ARAP2: variants seen among roughly 807,000 people sequenced by gnomAD.
The protein encoded by ARAP2 is arf-GAP with Rho-GAP domain, ANK repeat and PH domain-containing protein 2.
A neutral mutation model predicts 194.5 loss-of-function variants in ARAP2; 148 were observed. The ratio of observed to expected loss-of-function variants is 0.76; its 90% CI spans 0.67 to 0.87. The LOEUF (loss-of-function observed/expected upper bound fraction) is 0.87, where lower values mean the gene tolerates loss of function less well. ARAP2 is among the 40% of genes least tolerant of loss of function. The probability of loss-of-function intolerance (pLI) is 0.00; values close to 1 mark genes in which losing one functional copy is unlikely to be tolerated. For synonymous variants in ARAP2, 695 were observed against 683.5 expected, an observed-to-expected ratio of 1.02 and a Z score of -0.26; for missense variants, 2,128 against 1,989.7, an observed-to-expected ratio of 1.07 and a Z score of -1.32.
rs1717729903 is a variant in ARAP2 at position 36,104,073 on chromosome 4, T to A, written c.4285+3492A>T. On this transcript the variant is annotated intron_variant, in intron 27 of 32. Coordinates refer to ENST00000303965, the MANE Select transcript of ARAP2 (RefSeq NM_015230.4). ...AGGGACAGAGTAAAATTTGTGGCAA[T>A]TAGGTATCTAATGTGGGGGTGTAAG... Among the ~76,000 whole-genome samples the A allele has an allele frequency of 2.6e-5, 4 of 151,988 alleles. No individual in the cohort carries two copies. The South Asian group carries it at 8.3e-4, about 31-fold the overall frequency.
intron 32 of ARAP2, among the ~76,000 whole-genome samples, chr4:36,069,254 T>A (rs1157584846): frequency 6.6e-6 from 1 of 152,164 alleles, no homozygotes; most frequent in Non-Finnish European, 1.5e-5. Context: ...TACAAATAAT[T>A]TTGAAATTTG....
Position 36,179,647 on chromosome 4 carries a change from A to G in ARAP2, c.1679-1642T>C, listed in dbSNP as rs542093268. On this transcript the variant is annotated intron_variant, in intron 8 of 32. Coordinates refer to ENST00000303965, the MANE Select transcript of ARAP2 (RefSeq NM_015230.4). ...AAAGGAAATAAAGCAAAACATACTGAATCACGAGTAGTAAAAGCTTTCACA... is the reference window on the plus strand; with the variant it reads ...AAAGGAAATAAAGCAAAACATACTGGATCACGAGTAGTAAAAGCTTTCACA... Among the ~76,000 whole-genome samples, 3 of 152,318 alleles carry G rather than the reference A, an allele frequency of 2.0e-5. No homozygotes were observed. The South Asian group carries it at 6.2e-4, about 32-fold the overall frequency.
At chr4:36,029,368 G>A (rs1718525180) in intron 5 of ARAP2, among the ~76,000 whole-genome samples, 1 of 151,916 alleles carries the variant, frequency 6.6e-6, no homozygotes, top group African/African-American at 2.4e-5. Flanking sequence ...ACTGTAAATT[G>A]TAATACTTTT....
At chr4:36,239,246 C>T (rs1486698703) in intron 1 of ARAP2, among the ~76,000 whole-genome samples, 1 of 150,692 alleles carries the variant, frequency 6.6e-6, no homozygotes, top group Non-Finnish European at 1.5e-5. Flanking sequence ...ACTACAGGGA[C>T]AGAGAAAGAT....
At chr4:36,210,294 G>T in intron 6 of ARAP2, 96 bp downstream of exon 6, 3 of 1,112,304 alleles carry the variant, frequency 2.7e-6, no homozygotes, top group Non-Finnish European at 3.8e-6. Flanking sequence ...GTGTGTGGCG[G>T]TGGAGTGGGG....
chr4:36,132,949 C>T lies in ARAP2; in HGVS notation c.3427+277G>A, dbSNP rs142412712. Among the ~76,000 whole-genome samples the T allele has an allele frequency of 3.3e-3, 500 of 151,726 alleles. 3 individuals are homozygous for T. Among genetic ancestry groups the T allele is most frequent in the African/African-American group, 0.012 (479 of 41,456 alleles). ...TTACTTGAATAAAACATATAATCTA[C>T]TATTTTTATGTACATATTATAATTT... is the stretch of plus-strand genomic sequence containing the variant. On this transcript the variant is annotated intron_variant, in intron 20 of 32. Coordinates refer to ENST00000303965, the MANE Select transcript of ARAP2 (RefSeq NM_015230.4).
intron 9 of ARAP2, among the ~76,000 whole-genome samples, chr4:36,175,969 G>C (rs758715105): frequency 6.6e-6 from 1 of 152,064 alleles, no homozygotes; most frequent in Non-Finnish European, 1.5e-5. Context: ...ATCATTTTTA[G>C]TGTGCCTGAC....
intron 30 of ARAP2, among the ~76,000 whole-genome samples, chr4:36,081,006 T>C (rs1729407437): frequency 6.6e-6 from 1 of 152,202 alleles, no homozygotes; most frequent in African/African-American, 2.4e-5. Context: ...AAAGATCTAA[T>C]GGGCTTTTCA....
chr4:36,158,988 T>A (rs1391363482), intron 14 of ARAP2, 124 bp from the exon 15 acceptor site: 10 of 899,450 alleles, frequency 1.1e-5, no homozygotes, highest in African/African-American at 1.7e-5. Flanking sequence ...AAAGAATAAT[T>A]ACAGAGATAC....
Position 36,014,681 on chromosome 4 carries a change from A to G in ARAP2, n.1056+705T>C, listed in dbSNP as rs77331869. The stretch of plus-strand genomic sequence containing the variant: ...TAAAATACCTAATTCTCTATCTGTT[A>G]TACACTGAATGTTTGTGTTTCCCCA... On this transcript the variant is annotated intron_variant and non_coding_transcript_variant, in intron 8 of 12. Transcript: ENST00000503225. Among the ~76,000 whole-genome samples, 759 of 152,306 alleles carry G rather than the reference A, an allele frequency of 5.0e-3. 5 individuals carry two copies. The highest frequency in any genetic ancestry group is 0.017 in the African/African-American group (721 of 41,568).
chr4:36,114,085 C>A, intron 26 of ARAP2, 85 bp downstream of exon 26: 1 of 956,350 alleles, frequency 1.0e-6, no homozygotes, highest in South Asian at 1.5e-5. Flanking sequence ...GATGTTAAGA[C>A]ATAAAATGTT....
chr4:36,136,997 G>C (rs1284708178), intron 19 of ARAP2, among the ~76,000 whole-genome samples: 1 of 151,430 alleles, frequency 6.6e-6, no homozygotes, highest in Non-Finnish European at 1.5e-5. Flanking sequence ...TGTGTCAAAG[G>C]CAATTTATCA....
intron 6 of ARAP2, 43 bp from the exon 7 acceptor site, chr4:36,193,690 G>T (rs1742461211): frequency 7.2e-7 from 1 of 1,394,128 alleles, no homozygotes; most frequent in Non-Finnish European, 1.0e-6. Flanking sequence ...CAAGTAACAT[G>T]AACTTAGATT....
intron 27 of ARAP2, among the ~76,000 whole-genome samples, chr4:36,105,585 A>T (rs1040403430): frequency 6.6e-6 from 1 of 151,954 alleles, no homozygotes; most frequent in African/African-American, 2.4e-5. Flanking sequence ...GTTTGTGGTT[A>T]CAGCCAACGT....
intron 15 of ARAP2, among the ~76,000 whole-genome samples, chr4:36,157,099 G>C (rs997062737): frequency 6.6e-6 from 1 of 151,982 alleles, no homozygotes; most frequent in African/African-American, 2.4e-5. Flanking sequence ...ATAAAATAAA[G>C]CTTATTTTTA....
chr4:36,071,876 G>T (rs1318049574), intron 32 of ARAP2, among the ~76,000 whole-genome samples: 17 of 148,898 alleles, frequency 1.1e-4, no homozygotes, highest in African/African-American at 4.2e-4. Flanking sequence ...ACAGTCCCCA[G>T]AGTGTGATAT....
chr4:36,118,969 A>C (rs1444475490), intron 24 of ARAP2, among the ~76,000 whole-genome samples: 6 of 151,394 alleles, frequency 4.0e-5, no homozygotes, highest in African/African-American at 1.5e-4. Context: ...TGTATCTGTA[A>C]ACAGAGCACA....
chr4:36,203,265 T>C (rs73127499), intron 6 of ARAP2, among the ~76,000 whole-genome samples: 3,086 of 152,136 alleles, frequency 0.02, 99 homozygotes, highest in African/African-American at 0.07. Context: ...ATACTCAAAG[T>C]CCACTTTCCC....
chr4:36,093,913 T>C (rs1360321344), intron 27 of ARAP2, among the ~76,000 whole-genome samples: 1 of 152,182 alleles, frequency 6.6e-6, no homozygotes, highest in Non-Finnish European at 1.5e-5. Flanking sequence ...TTCTAGACAT[T>C]GCTACCTCAG....
Sources: gnomAD v4.1 joint callset for allele counts (sites outside exome capture counted in the v4.1 genomes callset) on GRCh38, gnomAD v4.1.1 for gene constraint, MANE v1.5 for transcripts, NCBI Gene and HGNC (gene_info 2026-07-23, HGNC 2026-07-21) for gene names.